Variants in ADGRL3 observed in about 807,000 individuals in gnomAD.
The protein encoded by ADGRL3 is adhesion G protein-coupled receptor L3, also known as calcium-independent alpha-latrotoxin receptor 3.
ADGRL3 carries 62 observed loss-of-function variants against 153.5 expected under a neutral mutation model. The ratio of observed to expected loss-of-function variants is 0.40; its 90% CI spans 0.33 to 0.50. ADGRL3 has a LOEUF of 0.50. Ranked by LOEUF, ADGRL3 falls within the 20% of genes least tolerant of loss-of-function variation. The pLI, the probability that ADGRL3 is intolerant of heterozygous loss-of-function variation, is 0.47. For synonymous variants in ADGRL3, 710 were observed against 672.5 expected (o/e 1.06, Z -0.86); for missense variants, 1,641 against 1,859.4 (o/e 0.88, Z 2.16).
intron 6 of ADGRL3, among the ~76,000 whole-genome samples, chr4:61,687,606 T>G (rs1187976184): frequency 1.3e-5 from 2 of 152,044 alleles, no homozygotes; most frequent in East Asian, 1.9e-4. Context: ...TACATTCATT[T>G]ATGAATATAT....
intron 10 of ADGRL3, among the ~76,000 whole-genome samples, chr4:61,895,210 G>C (rs1477312287): frequency 1.3e-5 from 2 of 152,130 alleles, no homozygotes. Context: ...GCTCACGCCT[G>C]TAATCCCAGC....
chr4:61,243,723 TA>T (rs760931220), intron 1 of ADGRL3, among the ~76,000 whole-genome samples: 1 of 152,028 alleles, frequency 6.6e-6, no homozygotes, highest in Non-Finnish European at 1.5e-5. Flanking sequence ...CAAAGACATT[TA>T]AAAGGAAGTC....
At chr4:61,553,401 A>T (rs1471124532) in intron 4 of ADGRL3, among the ~76,000 whole-genome samples, 2 of 152,200 alleles carry the variant, frequency 1.3e-5, no homozygotes, top group African/African-American at 4.8e-5. Flanking sequence ...TTTTGGGCAG[A>T]TGAGAGAGAT....
intron 1 of ADGRL3, among the ~76,000 whole-genome samples, chr4:61,252,449 A>G (rs1034945968): frequency 1.2e-4 from 18 of 152,222 alleles, no homozygotes; most frequent in African/African-American, 4.3e-4. Flanking sequence ...AGAATTCATT[A>G]CAGACAAATA....
chr4:61,628,952 A>G (rs1163028733), intron 5 of ADGRL3, among the ~76,000 whole-genome samples: 1 of 152,164 alleles, frequency 6.6e-6, no homozygotes, highest in Non-Finnish European at 1.5e-5. Flanking sequence ...TATTTCTACA[A>G]AGCAAATACA....
intron 8 of ADGRL3, among the ~76,000 whole-genome samples, chr4:61,745,503 C>T (rs1176628686): frequency 4.6e-5 from 7 of 152,140 alleles, no homozygotes; most frequent in African/African-American, 1.7e-4. Context: ...AGACTAACAG[C>T]TGATCTCTCG....
chr4:61,808,941 TACTA>T (rs1475254031), intron 8 of ADGRL3, among the ~76,000 whole-genome samples: 1 of 152,044 alleles, frequency 6.6e-6, no homozygotes, highest in Non-Finnish European at 1.5e-5. Flanking sequence ...AGATATAACT[TACTA>T]ACATCCAAAA....
At chr4:61,369,180 G>A (rs951373434) in intron 1 of ADGRL3, among the ~76,000 whole-genome samples, 7 of 152,146 alleles carry the variant, frequency 4.6e-5, no homozygotes, top group Non-Finnish European at 8.8e-5. Context: ...TGCAAACAGG[G>A]ACAATTTGAC....
chr4:61,977,169 C>T (rs2099050915), intron 17 of ADGRL3, among the ~76,000 whole-genome samples: 1 of 151,530 alleles, frequency 6.6e-6, no homozygotes, highest in African/African-American at 2.4e-5. Context: ...AATGCACCTA[C>T]ACAGATAAAA....
chr4:61,228,750 T>C (rs1469531657), intron 1 of ADGRL3, among the ~76,000 whole-genome samples: 1 of 152,188 alleles, frequency 6.6e-6, no homozygotes, highest in Non-Finnish European at 1.5e-5. Flanking sequence ...ATAAGTGCAA[T>C]GGCACCGTCT....
intron 2 of ADGRL3, among the ~76,000 whole-genome samples, chr4:61,401,032 G>C (rs905962445): frequency 2.7e-5 from 4 of 149,772 alleles, no homozygotes; most frequent in African/African-American, 9.8e-5. Context: ...CTGACTTTAG[G>C]GACCCTGTGA....
chr4:61,747,570 T>C (rs1321227420), intron 8 of ADGRL3, among the ~76,000 whole-genome samples: 2 of 145,844 alleles, frequency 1.4e-5, no homozygotes, highest in African/African-American at 2.6e-5. Flanking sequence ...AATCAATAAA[T>C]GTAATCCAGC....
intron 17 of ADGRL3, among the ~76,000 whole-genome samples, chr4:61,969,477 C>T (rs1581682562): frequency 6.6e-6 from 1 of 151,788 alleles, no homozygotes; most frequent in Non-Finnish European, 1.5e-5. Context: ...ATCCATGGAT[C>T]GTTCTATGTA....
At chr4:61,218,586 C>T (rs773074161) in intron 1 of ADGRL3, among the ~76,000 whole-genome samples, 2 of 152,178 alleles carry the variant, frequency 1.3e-5, no homozygotes, top group African/African-American at 2.4e-5. Context: ...ACCTTGGCCT[C>T]CCAAAGTGCT....
At chr4:61,682,832 T>C (rs1178064313) in intron 6 of ADGRL3, among the ~76,000 whole-genome samples, 1 of 152,106 alleles carries the variant, frequency 6.6e-6, no homozygotes, top group Non-Finnish European at 1.5e-5. Flanking sequence ...TCTTTTATCT[T>C]CCTTTCATTC....
At chr4:61,450,373 G>A (rs11946022) in intron 2 of ADGRL3, among the ~76,000 whole-genome samples, 35,177 of 151,924 alleles carry the variant, frequency 0.23, 4,173 homozygotes, top group South Asian at 0.29. Context: ...TCTTTTAAAT[G>A]TTGAATTCTT....
intron 9 of ADGRL3, among the ~76,000 whole-genome samples, chr4:61,856,567 CTCTT>C (rs1392397707): frequency 3.0e-5 from 4 of 131,576 alleles, no homozygotes; most frequent in Non-Finnish European, 4.8e-5. Flanking sequence ...GTCTCTCTCT[CTCTT>C]TCTCTCTCTC....
At chr4:61,831,319 C>G (rs1346009336) in intron 9 of ADGRL3, among the ~76,000 whole-genome samples, 1 of 149,556 alleles carries the variant, frequency 6.7e-6, no homozygotes. Context: ...ACTTCTCTGC[C>G]AGGCCTATAG....
At chr4:61,204,929 G>T (rs1175755224) in intron 1 of ADGRL3, among the ~76,000 whole-genome samples, 3 of 152,060 alleles carry the variant, frequency 2.0e-5, no homozygotes, top group Non-Finnish European at 4.4e-5. Context: ...TTTCAGAAAT[G>T]ATTTTCTTAA....
Sources: allele counts gnomAD v4.1 joint callset (sites outside exome capture counted in the v4.1 genomes callset), GRCh38; gene constraint gnomAD v4.1.1; transcripts MANE v1.5; gene names NCBI Gene and HGNC (gene_info 2026-07-23, HGNC 2026-07-21).